PRR16: variants seen among roughly 807,000 people sequenced by gnomAD.
PRR16 encodes proline rich 16.
PRR16 carries 6 observed loss-of-function variants against 18.2 expected under a neutral mutation model. The observed-to-expected ratio is 0.33, with a 90% confidence interval of 0.18 to 0.65. The LOEUF (loss-of-function observed/expected upper bound fraction) is 0.65, where lower values mean the gene tolerates loss of function less well. Ranked by LOEUF, PRR16 falls within the 30% of genes least tolerant of loss-of-function variation. PRR16 has a pLI of 0.74. For missense variants in PRR16, 412 were observed against 376.6 expected (o/e 1.09, Z -0.78); for synonymous variants, 151 against 147.8 (o/e 1.02, Z -0.16).
chr5:120,763,303 G>A, the PRR16 span, among the ~76,000 whole-genome samples: 3 of 151,820 alleles, frequency 2.0e-5, no homozygotes, highest in Admixed American at 6.6e-5. Flanking sequence ...AATCCACCAC[G>A]TCTGGCTCTT....
chr5:120,743,400 G>A, the PRR16 span, among the ~76,000 whole-genome samples: 1 of 151,686 alleles, frequency 6.6e-6, no homozygotes, highest in Admixed American at 6.6e-5. Context: ...AATGTTTGAA[G>A]GTGTGGGCTG....
intron 1 of PRR16, among the ~76,000 whole-genome samples, chr5:120,653,300 A>T (rs1007244732): frequency 2.9e-5 from 4 of 140,232 alleles, no homozygotes; most frequent in African/African-American, 1.0e-4. Flanking sequence ...CAATAAAAGT[A>T]AAAAAAAAAA....
At chr5:120,777,752 T>C in the PRR16 span, among the ~76,000 whole-genome samples, 1 of 152,126 alleles carries the variant, frequency 6.6e-6, no homozygotes, top group Non-Finnish European at 1.5e-5. Context: ...GAATCCAATA[T>C]ATACAGAAGC....
At position 120,567,478 on chromosome 5, in the gene PRR16, C is replaced by T. The variant is rs74514141; in HGVS notation, c.159+102833C>T. 5.8e-3 allele frequency among the ~76,000 whole-genome samples: 879 copies of T among 152,216 alleles called. 5 individuals carry two copies. Among genetic ancestry groups the T allele is most frequent in the African/African-American group, 8.2e-3 (341 of 41,534 alleles). ...TAGGATATTATCATTATTACAACTT[C>T]CTGTCTTCTGAGGGTCAGCCCTGTG... On this transcript the variant is annotated intron_variant, in intron 1 of 1. Transcript: ENST00000407149.
At chr5:120,562,703 T>G (rs1407610620) in intron 1 of PRR16, among the ~76,000 whole-genome samples, 1 of 152,188 alleles carries the variant, frequency 6.6e-6, no homozygotes, top group African/African-American at 2.4e-5. Flanking sequence ...TATAACTCAT[T>G]ATTTTAAACT....
chr5:120,680,605 A>G (rs1482739738), intron 1 of PRR16, among the ~76,000 whole-genome samples: 3 of 152,128 alleles, frequency 2.0e-5, no homozygotes, highest in Non-Finnish European at 4.4e-5. Flanking sequence ...ACCTTATTCA[A>G]TTTATAAGAT....
chr5:120,775,794 CTATT>C, the PRR16 span, among the ~76,000 whole-genome samples: 18,076 of 118,074 alleles, frequency 0.15, 1,362 homozygotes, highest in Non-Finnish European at 0.21. Context: ...CTACGCCTGG[CTATT>C]TTTTTTTTTT....
the PRR16 span, among the ~76,000 whole-genome samples, chr5:120,741,671 G>A: frequency 6.6e-6 from 1 of 152,102 alleles, no homozygotes; most frequent in Non-Finnish European, 1.5e-5. Context: ...GCCCGATCAC[G>A]GCTCACTGCA....
chr5:120,569,627 A>G (rs888319676), intron 1 of PRR16, among the ~76,000 whole-genome samples: 3 of 152,146 alleles, frequency 2.0e-5, no homozygotes, highest in Non-Finnish European at 2.9e-5. Context: ...CTTTTAAGAG[A>G]TGATAAGAAC....
At chr5:120,772,794 C>T in the PRR16 span, among the ~76,000 whole-genome samples, 3 of 152,214 alleles carry the variant, frequency 2.0e-5, no homozygotes, top group African/African-American at 7.2e-5. Flanking sequence ...TTCCATGGCT[C>T]TCTAAATATT....
At chr5:120,467,011 G>T (rs552042487) in intron 1 of PRR16, among the ~76,000 whole-genome samples, 102 of 152,264 alleles carry the variant, frequency 6.7e-4, no homozygotes, top group African/African-American at 2.4e-3. Flanking sequence ...TGAGAACAAA[G>T]TATTTATAGG....
chr5:120,748,306 A>T, the PRR16 span, among the ~76,000 whole-genome samples: 1 of 152,158 alleles, frequency 6.6e-6, no homozygotes, highest in Non-Finnish European at 1.5e-5. Flanking sequence ...TCAGACAAAT[A>T]GTAATTCTCT....
At chr5:120,669,558 A>T (rs1055156750) in intron 1 of PRR16, among the ~76,000 whole-genome samples, 3 of 152,114 alleles carry the variant, frequency 2.0e-5, no homozygotes, top group Non-Finnish European at 2.9e-5. Context: ...ACATTTGAAA[A>T]TCATGTGTCC....
At chr5:120,749,682 T>C in the PRR16 span, among the ~76,000 whole-genome samples, 1 of 152,148 alleles carries the variant, frequency 6.6e-6, no homozygotes, top group African/African-American at 2.4e-5. Flanking sequence ...CAAAACCTAG[T>C]TATTTATGTT....
intron 1 of PRR16, among the ~76,000 whole-genome samples, chr5:120,492,226 A>C (rs1473743424): frequency 6.7e-6 from 1 of 149,262 alleles, no homozygotes; most frequent in East Asian, 2.0e-4. Flanking sequence ...CTGAGACTGC[A>C]GGCATGCATC....
At chr5:120,749,678 C>A in the PRR16 span, among the ~76,000 whole-genome samples, 2 of 151,982 alleles carry the variant, frequency 1.3e-5, no homozygotes, top group Non-Finnish European at 2.9e-5. Context: ...ATACCAAAAC[C>A]TAGTTATTTA....
chr5:120,470,846 T>C (rs1749244856), intron 1 of PRR16, among the ~76,000 whole-genome samples: 1 of 152,182 alleles, frequency 6.6e-6, no homozygotes, highest in African/African-American at 2.4e-5. Context: ...AAGTGAAGCT[T>C]CATTGCCAGG....
At chr5:120,770,924 A>ACTCTCT in the PRR16 span, among the ~76,000 whole-genome samples, 11 of 38,536 alleles carry the variant, frequency 2.9e-4, no homozygotes, top group Non-Finnish European at 5.5e-4. Context: ...ACTCATTGGA[A>ACTCTCT]CACTCTCTCT....
At chr5:120,537,327 T>A (rs923537099) in intron 1 of PRR16, among the ~76,000 whole-genome samples, 2 of 152,184 alleles carry the variant, frequency 1.3e-5, no homozygotes, top group Non-Finnish European at 1.5e-5. Context: ...CCTAATATGT[T>A]TGGGCATATA....
Sources: gnomAD v4.1 joint callset for allele counts (sites outside exome capture counted in the v4.1 genomes callset) on GRCh38, gnomAD v4.1.1 for gene constraint, MANE v1.5 for transcripts, NCBI Gene and HGNC (gene_info 2026-07-23, HGNC 2026-07-21) for gene names.